GTF2F2: variants seen among roughly 807,000 people sequenced by gnomAD.
The protein encoded by GTF2F2 is general transcription factor IIF subunit 2.
In GTF2F2, 23 loss-of-function variants were observed where a neutral mutation model predicts 42.2. That is an observed-to-expected ratio of 0.55 (90% CI 0.39 to 0.77). The LOEUF (loss-of-function observed/expected upper bound fraction) is 0.77, where lower values mean the gene tolerates loss of function less well. GTF2F2 is among the 30% of genes least tolerant of loss of function. GTF2F2 has a pLI of 0.00. For missense variants in GTF2F2, 261 were observed against 287.2 expected (o/e 0.91, Z 0.66); for synonymous variants, 105 against 100.8 (o/e 1.04, Z -0.25).
chr13:45,164,146 G>A (rs1471203536), intron 4 of GTF2F2, among the ~76,000 whole-genome samples: 1 of 152,288 alleles, frequency 6.6e-6, no homozygotes, highest in Non-Finnish European at 1.5e-5. Context: ...CCAGCGTGGT[G>A]GCAGACACCT....
intron 1 of GTF2F2, among the ~76,000 whole-genome samples, chr13:45,122,147 A>G (rs1357025866): frequency 6.6e-6 from 1 of 150,962 alleles, no homozygotes; most frequent in Admixed American, 6.6e-5. Context: ...GTAGATGAAG[A>G]TGGGGACCAT....
At chr13:45,215,359 A>G (rs1229501120) in intron 5 of GTF2F2, among the ~76,000 whole-genome samples, 1 of 152,262 alleles carries the variant, frequency 6.6e-6, no homozygotes, top group Non-Finnish European at 1.5e-5. Flanking sequence ...GCACTAATTT[A>G]TAATGTAAAA....
chr13:45,161,279 A>G (rs1436492171), intron 4 of GTF2F2, among the ~76,000 whole-genome samples: 2 of 152,218 alleles, frequency 1.3e-5, no homozygotes, highest in Non-Finnish European at 2.9e-5. Context: ...AGGTAATTAA[A>G]TATTTTAAGA....
chr13:45,209,437 C>G (rs1873546179), intron 5 of GTF2F2, among the ~76,000 whole-genome samples: 1 of 152,186 alleles, frequency 6.6e-6, no homozygotes, highest in African/African-American at 2.4e-5. Context: ...GTATTTTAAT[C>G]TTTACTTAAG....
At chr13:45,140,384 G>A (rs60125865) in intron 2 of GTF2F2, among the ~76,000 whole-genome samples, 1,803 of 152,250 alleles carry the variant, frequency 0.012, 31 homozygotes, top group African/African-American at 0.037. Context: ...AGTCAGGCTT[G>A]TATTCTGGCC....
At chr13:45,182,741 A>G (rs1872226268) in intron 4 of GTF2F2, among the ~76,000 whole-genome samples, 1 of 152,080 alleles carries the variant, frequency 6.6e-6, no homozygotes, top group Non-Finnish European at 1.5e-5. Context: ...CACTATTGGT[A>G]GCTATTCTTC....
At chr13:45,208,072 T>C (rs972762795) in intron 5 of GTF2F2, among the ~76,000 whole-genome samples, 3 of 150,566 alleles carry the variant, frequency 2.0e-5, no homozygotes, top group Non-Finnish European at 3.0e-5. Context: ...TGCAGTGAGC[T>C]GAGAGCATGC....
At chr13:45,146,767 C>T (rs1870216059) in intron 2 of GTF2F2, among the ~76,000 whole-genome samples, 1 of 152,158 alleles carries the variant, frequency 6.6e-6, no homozygotes, top group African/African-American at 2.4e-5. Context: ...AAATGCACAG[C>T]ATTCTGAGAA....
At chr13:45,230,478 AGCATGGC>A (rs1446172151) in intron 5 of GTF2F2, among the ~76,000 whole-genome samples, 1 of 152,238 alleles carries the variant, frequency 6.6e-6, no homozygotes, top group Non-Finnish European at 1.5e-5. Flanking sequence ...GTACTTGGTA[AGCATGGC>A]TTTTCGTCTC....
At chr13:45,247,051 A>AG (rs1355708106) in intron 5 of GTF2F2, among the ~76,000 whole-genome samples, 1 of 119,068 alleles carries the variant, frequency 8.4e-6, no homozygotes, top group African/African-American at 3.3e-5. Flanking sequence ...AAAAAAAAAA[A>AG]AAAAGTTAAG....
intron 5 of GTF2F2, among the ~76,000 whole-genome samples, chr13:45,218,169 C>A (rs908762311): frequency 6.6e-6 from 1 of 152,180 alleles, no homozygotes; most frequent in Non-Finnish European, 1.5e-5. Context: ...GGACAACCAT[C>A]TCTGCTTCGT....
chr13:45,265,667 T>A (rs1197506941), intron 6 of GTF2F2, among the ~76,000 whole-genome samples: 1 of 152,208 alleles, frequency 6.6e-6, no homozygotes, highest in Non-Finnish European at 1.5e-5. Flanking sequence ...AATTTGACAG[T>A]CTCTCATAAG....
At chr13:45,234,001 T>TC (rs1337805522) in intron 5 of GTF2F2, among the ~76,000 whole-genome samples, 1 of 152,202 alleles carries the variant, frequency 6.6e-6, no homozygotes, top group Non-Finnish European at 1.5e-5. Context: ...ATCAACCTCA[T>TC]CGTCTCCCAC....
chr13:45,211,190 C>T (rs773817637), intron 5 of GTF2F2, among the ~76,000 whole-genome samples: 15 of 152,150 alleles, frequency 9.9e-5, no homozygotes, highest in Admixed American at 2.6e-4. Flanking sequence ...TTGTAGTCCC[C>T]GTGTCCATTA....
chr13:45,248,504 G>A (rs746684324), intron 5 of GTF2F2, among the ~76,000 whole-genome samples: 13 of 151,432 alleles, frequency 8.6e-5, no homozygotes, highest in South Asian at 4.2e-4. Context: ...ACGGAGTTTC[G>A]CTCTTGTTGC....
At chr13:45,170,188 TA>T (rs1317252827) in intron 4 of GTF2F2, among the ~76,000 whole-genome samples, 4 of 152,192 alleles carry the variant, frequency 2.6e-5, no homozygotes, top group African/African-American at 7.2e-5. Context: ...CACACCCAGC[TA>T]ATTTTTTAAA....
chr13:45,172,966 G>A (rs1016904583), intron 4 of GTF2F2, among the ~76,000 whole-genome samples: 6 of 151,980 alleles, frequency 3.9e-5, no homozygotes, highest in Non-Finnish European at 7.4e-5. Context: ...TGAATTTTAA[G>A]ATCAGTTCCT....
chr13:45,129,859 C>T (rs1029878652), intron 1 of GTF2F2, among the ~76,000 whole-genome samples: 30 of 152,186 alleles, frequency 2.0e-4, no homozygotes, highest in African/African-American at 6.8e-4. Flanking sequence ...ACTGGTGATG[C>T]TATTTTAAAT....
intron 5 of GTF2F2, among the ~76,000 whole-genome samples, chr13:45,233,471 A>G (rs1874791970): frequency 6.6e-6 from 1 of 152,198 alleles, no homozygotes; most frequent in African/African-American, 2.4e-5. Context: ...GGCTATTACT[A>G]GGAAACCAAG....
Sources: gnomAD v4.1 joint callset for allele counts (sites outside exome capture counted in the v4.1 genomes callset) on GRCh38, gnomAD v4.1.1 for gene constraint, MANE v1.5 for transcripts, NCBI Gene and HGNC (gene_info 2026-07-23, HGNC 2026-07-21) for gene names.